Variants in TGM6 observed in about 807,000 individuals in gnomAD.
TGM6 encodes the protein transglutaminase 6.
TGM6 carries 74 observed loss-of-function variants against 77.5 expected under a neutral mutation model. The observed-to-expected ratio is 0.96, with a 90% confidence interval of 0.79 to 1.16. The LOEUF (loss-of-function observed/expected upper bound fraction) is 1.16. Among genes scored for constraint, TGM6 ranks in the 50% most tolerant of loss-of-function variants. TGM6 has a pLI of 0.00. For synonymous variants in TGM6, 383 were observed against 378.9 expected, an observed-to-expected ratio of 1.01 and a Z score of -0.12; for missense variants, 968 against 940.2, an observed-to-expected ratio of 1.03 and a Z score of -0.39.
chr20:2,418,848 G>A (rs527871495), intron 10 of TGM6, among the ~76,000 whole-genome samples: 5 of 151,936 alleles, frequency 3.3e-5, no homozygotes, highest in South Asian at 4.2e-4. Flanking sequence ...AGGCCAAGGC[G>A]GGTGGATCAC....
At chr20:2,400,466 G>A (rs1331931393) in intron 7 of TGM6, 22 bp downstream of exon 7, 3 of 1,613,772 alleles carry the variant, frequency 1.9e-6, no homozygotes, top group African/African-American at 2.7e-5. Flanking sequence ...CCCCAGCCTA[G>A]GCCCGAGGGC....
intron 10 of TGM6, among the ~76,000 whole-genome samples, chr20:2,423,213 C>T (rs34934730): frequency 0.22 from 33,850 of 151,602 alleles, 3,965 homozygotes; most frequent in South Asian, 0.3. Context: ...AAGACAACAA[C>T]GAAATTCGCC....
intron 11 of TGM6, 124 bp downstream of exon 11, chr20:2,430,724 G>A (rs2084918531): frequency 3.2e-6 from 5 of 1,586,292 alleles, no homozygotes; most frequent in South Asian, 1.1e-5. Context: ...CAGGGTGGGA[G>A]GAGTGGGTTG....
chr20:2,420,604 C>A (rs536687333), intron 10 of TGM6, among the ~76,000 whole-genome samples: 1 of 152,308 alleles, frequency 6.6e-6, no homozygotes, highest in Non-Finnish European at 1.5e-5. Flanking sequence ...TTCACCCCTC[C>A]AATATCCCCA....
At position 2,395,639 on chromosome 20, in the gene TGM6, AG is replaced by A. The variant is rs148226181; in HGVS notation, c.424+204del. 0.092 allele frequency among the ~76,000 whole-genome samples: 14,024 copies of A among 152,252 alleles called. 713 individuals carry two copies. Among genetic ancestry groups the A allele is most frequent in the African/African-American group, 0.11 (4,667 of 41,558 alleles). ...CTTCAAAGCCTATGCCAGAGGACCCAGTGGGCAAGAGAGGCCCAGGGGTGGG... is the reference window on the plus strand; with the variant it reads ...CTTCAAAGCCTATGCCAGAGGACCCATGGGCAAGAGAGGCCCAGGGGTGGG... On this transcript the variant is annotated intron_variant, in intron 3 of 12. Transcript: ENST00000202625.
chr20:2,418,900 C>T (rs1158648736), intron 10 of TGM6, among the ~76,000 whole-genome samples: 1 of 151,940 alleles, frequency 6.6e-6, no homozygotes, highest in East Asian at 1.9e-4. Context: ...CACAGTGAAA[C>T]CCCATCTCTA....
At chr20:2,404,630 CT>C (rs2084737459) in intron 9 of TGM6, among the ~76,000 whole-genome samples, 2 of 151,052 alleles carry the variant, frequency 1.3e-5, no homozygotes, top group East Asian at 3.9e-4. Context: ...TATTTTACAG[CT>C]CTGGTTGCAC....
chr20:2,395,803 A>G (rs1248097791), intron 3 of TGM6, among the ~76,000 whole-genome samples: 3 of 152,194 alleles, frequency 2.0e-5, no homozygotes, highest in Non-Finnish European at 4.4e-5. Flanking sequence ...TATGGTGAAC[A>G]CCCATAGGGC....
Position 2,430,481 on chromosome 20 carries a change from T to C in TGM6, c.1714T>C (p.Tyr572His). The change falls in exon 11 of 13, where the codon TAT (tyrosine) becomes CAT (histidine). Residue 572 changes from tyrosine to histidine, a missense_variant. Physicochemically the swap from Tyr to His is moderately conservative, Grantham distance 83. Coordinates refer to ENST00000202625, the MANE Select transcript of TGM6 (RefSeq NM_198994.3). ...RIPITISYSK[Y>H]KEDLTEDKKI... is the part of the protein sequence containing the mutation. Reference sequence around the variant, plus strand: ...CCCAATTACAATATCTTACTCTAAGTATAAAGAAGACCTGACAGAGGACAA... The same window carrying C: ...CCCAATTACAATATCTTACTCTAAGCATAAAGAAGACCTGACAGAGGACAA... 1.2e-6 allele frequency: 2 copies of C among 1,614,152 alleles called. No homozygotes were observed. The highest frequency in any genetic ancestry group is 1.7e-6 in the Non-Finnish European group (2 of 1,180,024).
intron 7 of TGM6, among the ~76,000 whole-genome samples, chr20:2,401,869 G>A (rs1016616939): frequency 4.6e-5 from 7 of 152,192 alleles, no homozygotes; most frequent in Non-Finnish European, 8.8e-5. Context: ...TACAAACAAG[G>A]CTTCAGTGAA....
chr20:2,428,351 G>C (rs1438987167), intron 10 of TGM6, among the ~76,000 whole-genome samples: 2 of 152,142 alleles, frequency 1.3e-5, no homozygotes, highest in Admixed American at 6.5e-5. Context: ...AAAAAGCCCT[G>C]ATGCAAACAT....
intron 10 of TGM6, 150 bp from the exon 11 acceptor site, chr20:2,430,296 A>C: frequency 9.3e-7 from 1 of 1,072,870 alleles, no homozygotes; most frequent in Non-Finnish European, 1.4e-6. Flanking sequence ...AGGTTTCTTC[A>C]TCTGAGAACC....
In TGM6 at chr20:2,384,892, TAGCC is replaced by T. The variant is rs1417375304; in HGVS notation, c.7+3918_7+3921del. On this transcript the variant is annotated intron_variant, in intron 1 of 12. Coordinates refer to ENST00000202625, the MANE Select transcript of TGM6 (RefSeq NM_198994.3). ...CTCAGCCCTGGGGTTGGCGAGCCTTTAGCCTTGGGCTGGGAGCTCATCCTGCATA... is the reference window on the plus strand; with the variant it reads ...CTCAGCCCTGGGGTTGGCGAGCCTTTTTGGGCTGGGAGCTCATCCTGCATA... Among the ~76,000 whole-genome samples, 4 of 152,216 alleles carry T rather than the reference TAGCC, an allele frequency of 2.6e-5. No homozygotes were observed. In the East Asian group the frequency reaches 7.7e-4, roughly 29 times the overall value.
intron 10 of TGM6, among the ~76,000 whole-genome samples, chr20:2,418,287 C>T (rs59682891): frequency 0.018 from 2,812 of 152,338 alleles, 88 homozygotes; most frequent in African/African-American, 0.065. Context: ...GCTTAAGCCA[C>T]GGCACCAGGC....
chr20:2,410,878 G>C (rs1416607129), intron 9 of TGM6, among the ~76,000 whole-genome samples: 1 of 152,120 alleles, frequency 6.6e-6, no homozygotes, highest in Non-Finnish European at 1.5e-5. Flanking sequence ...TTTCTAGAAA[G>C]ACACTTTCTT....
chr20:2,389,690 T>C (rs1271233398), intron 1 of TGM6, among the ~76,000 whole-genome samples: 1 of 152,184 alleles, frequency 6.6e-6, no homozygotes, highest in Admixed American at 6.5e-5. Context: ...AAATCAATTT[T>C]TCACTAAACA....
intron 1 of TGM6, among the ~76,000 whole-genome samples, chr20:2,384,103 T>A (rs2084576149): frequency 9.3e-6 from 1 of 107,658 alleles, no homozygotes; most frequent in African/African-American, 3.9e-5. Context: ...TGAGACTCCG[T>A]CTCAAAAAAA....
At position 2,395,434 on chromosome 20, in the gene TGM6, C is replaced by A. The variant is rs73894929; in HGVS notation, c.422C>A (p.Ala141Glu). 5.3e-3 allele frequency: 8,511 copies of A among 1,614,208 alleles called. 340 individuals carry two copies. The African/African-American group carries it at 0.093, about 18-fold the overall frequency. The change falls in exon 3 of 13, where the codon GCA becomes GAA. Residue 141 changes from alanine (A) to glutamate (E), a missense_variant and splice_region_variant. Ala to Glu is a moderately radical substitution (Grantham distance 107). Coordinates refer to ENST00000202625, the MANE Select transcript of TGM6 (RefSeq NM_198994.3). ...GTTCTCCTTTTCAACCCATGGTGTG[C>A]AGGTAGGAGTGGCCAAGTCCAATGC... is the stretch of plus-strand genomic sequence containing the variant. ...EFVLLFNPWC[A>E]EDDVFLASEE...
intron 9 of TGM6, among the ~76,000 whole-genome samples, chr20:2,408,337 T>C (rs956123733): frequency 5.9e-5 from 9 of 152,184 alleles, no homozygotes; most frequent in Admixed American, 1.3e-4. Context: ...CACAAGATGC[T>C]TTCTTTGCCT....
Sources: gnomAD v4.1 joint callset for allele counts (sites outside exome capture counted in the v4.1 genomes callset) on GRCh38, gnomAD v4.1.1 for gene constraint, MANE v1.5 for transcripts, NCBI Gene and HGNC (gene_info 2026-07-23, HGNC 2026-07-21) for gene names.